The following SHANK2 variants were observed in gnomAD, a reference collection of about 807,000 sequenced individuals.
The protein encoded by SHANK2 is SH3 and multiple ankyrin repeat domains protein 2.
A neutral mutation model predicts 133.7 loss-of-function variants in SHANK2; 43 were observed. The ratio of observed to expected loss-of-function variants is 0.32; its 90% confidence interval spans 0.25 to 0.41. The LOEUF (loss-of-function observed/expected upper bound fraction) is 0.41, where lower values mean the gene tolerates loss of function less well. Ranked by LOEUF, SHANK2 falls within the 10% of genes least tolerant of loss-of-function variation. The pLI is 1.00. For missense variants in SHANK2, 1,994 were observed against 2,235.8 expected, an observed-to-expected ratio of 0.89 and a Z score of 2.18; for synonymous variants, 1,017 against 952.8, an observed-to-expected ratio of 1.07 and a Z score of -1.24.
intron 11 of SHANK2, among the ~76,000 whole-genome samples, chr11:70,856,699 A>T (rs1294343831): frequency 6.6e-6 from 1 of 152,174 alleles, no homozygotes; most frequent in African/African-American, 2.4e-5. Context: ...ACATTATTTC[A>T]TTAAAAACAC....
intron 17 of SHANK2, 34 bp from the exon 18 acceptor site, chr11:70,502,965 A>G: frequency 6.2e-7 from 1 of 1,613,464 alleles, no homozygotes; most frequent in Non-Finnish European, 8.5e-7. Context: ...CATCAGTGAG[A>G]GCCAGCGGAG....
rs546196771 is a variant in SHANK2 at position 70,782,210 on chromosome 11, G to A, written c.1777+16233C>T. ...CTCCTGAGTAGCTGGGATTACAGGT[G>A]CCCGCTACCAAGCCTGGCTAATTTT... On this transcript the variant is annotated intron_variant, in intron 14 of 25. Transcript: ENST00000601538. Among the ~76,000 whole-genome samples, 11 of 152,308 alleles carry A rather than the reference G, an allele frequency of 7.2e-5. 1 individual carries two copies. The South Asian group carries it at 2.3e-3, about 32-fold the overall frequency.
At chr11:70,698,638 A>G (rs1555022864) in intron 15 of SHANK2, 50 bp downstream of exon 15, 1 of 718,410 alleles carries the variant, frequency 1.4e-6, no homozygotes. Flanking sequence ...TGCAGCACAG[A>G]CGAACAGCTT....
chr11:71,086,278 A>ATATG lies in SHANK2; in HGVS notation c.912+6143_912+6144insCATA, dbSNP rs1555092894. ...ATATGTTATATATTATATATGTTAT[A>ATATG]TTATATATGTTATATAAGATGTTAT... On this transcript the variant is annotated intron_variant, in intron 8 of 25. Transcript: ENST00000601538. 2.3e-3 allele frequency among the ~76,000 whole-genome samples: 131 copies of ATATG among 57,592 alleles called. 4 individuals are homozygous for ATATG. The highest frequency in any genetic ancestry group is 8.6e-3 in the African/African-American group (127 of 14,806). The allele number at this position is 57,592 out of a possible 152,430, so 37.8% of individuals were successfully genotyped here. A position where few individuals can be genotyped will look rare whatever the true frequency, so the allele number is the denominator to read the frequency against.
At chr11:70,802,252 A>G (rs948048888) in intron 13 of SHANK2, among the ~76,000 whole-genome samples, 1 of 152,170 alleles carries the variant, frequency 6.6e-6, no homozygotes, top group African/African-American at 2.4e-5. Context: ...TGGGCCCCAC[A>G]TGCTTCCTGA....
chr11:71,204,043 T>C (rs910876472), intron 2 of SHANK2, among the ~76,000 whole-genome samples: 1 of 152,150 alleles, frequency 6.6e-6, no homozygotes, highest in Non-Finnish European at 1.5e-5. Flanking sequence ...TGCCTGTCGC[T>C]AAAACAGCTT....
intron 17 of SHANK2, among the ~76,000 whole-genome samples, chr11:70,630,545 T>A (rs1483289086): frequency 1.3e-5 from 2 of 152,198 alleles, no homozygotes; most frequent in African/African-American, 4.8e-5. Context: ...TTGCTGGAGA[T>A]GCAATCACTT....
intron 17 of SHANK2, among the ~76,000 whole-genome samples, chr11:70,611,840 T>C (rs1338729988): frequency 2.0e-5 from 3 of 152,042 alleles, no homozygotes; most frequent in Non-Finnish European, 4.4e-5. Flanking sequence ...CCTTCGTTTC[T>C]ACTGAAAATG....
Position 70,551,140 on chromosome 11 carries a change from C to T in SHANK2, c.2062-48209G>A, listed in dbSNP as rs12278283. Among the ~76,000 whole-genome samples the T allele has an allele frequency of 6.2e-3, 945 of 152,272 alleles. 16 individuals carry two copies. Among genetic ancestry groups the T allele is most frequent in the African/African-American group, 0.02 (843 of 41,550 alleles). ...GGGTCTGCATTTTCACATGTGCTCA[C>T]TCTGCCTGTGTCTGCTGCAGCAAAT... On this transcript the variant is annotated intron_variant, in intron 17 of 25. Transcript: ENST00000601538.
At chr11:70,750,341 G>A (rs1175161721) in intron 14 of SHANK2, among the ~76,000 whole-genome samples, 2 of 152,192 alleles carry the variant, frequency 1.3e-5, no homozygotes, top group Non-Finnish European at 2.9e-5. Context: ...CCCACCCACA[G>A]CCTCAAGCAA....
Position 70,942,843 on chromosome 11 carries a change from G to T in SHANK2, c.1108-46276C>A, listed in dbSNP as rs137956978. 1.9e-3 allele frequency: 853 copies of T among 456,736 alleles called. 1 individual carries two copies. The highest frequency in any genetic ancestry group is 3.0e-3 in the Non-Finnish European group (691 of 226,974). The allele number at this position is 456,736 out of a possible 1,614,324, so 28.3% of individuals were successfully genotyped here. A position where few individuals can be genotyped will look rare whatever the true frequency, so the allele number is the denominator to read the frequency against. ...TGGCCAGCTCAAGAAATTACATGGA[G>T]CCATAAGACCAGACAGGCCCTTTGC... On this transcript the variant is annotated intron_variant, in intron 10 of 25. Transcript: ENST00000601538.
chr11:70,713,397 G>A (rs1166675703), intron 14 of SHANK2, among the ~76,000 whole-genome samples: 3 of 152,352 alleles, frequency 2.0e-5, no homozygotes, highest in South Asian at 2.1e-4. Flanking sequence ...GCCACTTTAC[G>A]AAGCAGTCTT....
At chr11:71,167,845 G>C (rs1240559869) in intron 2 of SHANK2, among the ~76,000 whole-genome samples, 1 of 134,076 alleles carries the variant, frequency 7.5e-6, no homozygotes, top group Non-Finnish European at 1.6e-5. Flanking sequence ...AGGCAGAGGG[G>C]CTCCTCAGTT....
chr11:71,236,957 CGCA>C (rs1228478664), intron 1 of SHANK2, among the ~76,000 whole-genome samples: 3 of 152,198 alleles, frequency 2.0e-5, no homozygotes, highest in Non-Finnish European at 4.4e-5. Flanking sequence ...AGGGACTTGG[CGCA>C]GGTGGGACTG....
intron 6 of SHANK2, among the ~76,000 whole-genome samples, chr11:71,105,573 CAG>C (rs1371129292): frequency 2.6e-5 from 3 of 115,362 alleles, no homozygotes; most frequent in African/African-American, 6.9e-5. Context: ...GCCTGGGTGA[CAG>C]AGAGAGACTC....
At chr11:71,211,440 A>C (rs2135690523) in intron 2 of SHANK2, among the ~76,000 whole-genome samples, 1 of 152,056 alleles carries the variant, frequency 6.6e-6, no homozygotes, top group Middle Eastern at 3.4e-3. Flanking sequence ...TGGGGGGCTG[A>C]GGCGAGAGAA....
Position 70,773,242 on chromosome 11 carries a change from G to T in SHANK2, c.1777+25201C>A, listed in dbSNP as rs189960912. On this transcript the variant is annotated intron_variant, in intron 14 of 25. Transcript: ENST00000601538. ...TGCTGTGCAAAGTAGCTGGGCGAGC[G>T]GCTCACAGGGCAGCGTCCTAAAGAC... is the stretch of plus-strand genomic sequence containing the variant. Among the ~76,000 whole-genome samples, 67 of 152,326 alleles carry T rather than the reference G, an allele frequency of 4.4e-4. 2 individuals are homozygous for T. The highest frequency in any genetic ancestry group is 1.5e-3 in the African/African-American group (64 of 41,568).
chr11:70,583,777 C>T (rs529174997), intron 17 of SHANK2, among the ~76,000 whole-genome samples: 25 of 152,320 alleles, frequency 1.6e-4, no homozygotes, highest in Middle Eastern at 3.4e-3. Context: ...GTGGCCAGAA[C>T]GATCCTCCGC....
Position 70,487,732 on chromosome 11 carries a change from A to AT in SHANK2, c.2573-13_2573-12insA. ...TTCCTCTGTTATTCCTACAAGCAGA[A>AT]AACAGGTTTAGCTTTAAGTCACAAT... On this transcript the variant is annotated splice_polypyrimidine_tract_variant and intron_variant, in intron 24 of 25. Coordinates refer to ENST00000601538, the MANE Select transcript of SHANK2 (RefSeq NM_012309.5). This position sits in a 1 kb window ranked among gnomAD's most constrained non-coding sequence, Gnocchi z 5.8. 6.4e-7 allele frequency: 1 copy of AT among 1,552,550 alleles called. No homozygotes were observed. The highest frequency in any genetic ancestry group is 8.7e-7 in the Non-Finnish European group (1 of 1,147,886).
Sources: gnomAD v4.1 joint callset for allele counts (sites outside exome capture counted in the v4.1 genomes callset) on GRCh38, gnomAD v4.1.1 for gene constraint, Gnocchi (gnomAD v3.1) non-coding constraint, MANE v1.5 for transcripts, NCBI Gene and HGNC (gene_info 2026-07-23, HGNC 2026-07-21) for gene names.